Variants in ZFAT observed in about 807,000 individuals in gnomAD.
ZFAT encodes the protein zinc finger protein ZFAT.
A neutral mutation model predicts 117.7 loss-of-function variants in ZFAT; 64 were observed. The observed-to-expected ratio is 0.54, with a 90% CI of 0.44 to 0.67. The LOEUF (loss-of-function observed/expected upper bound fraction) is 0.67, where lower values mean the gene tolerates loss of function less well. ZFAT is among the 30% of genes least tolerant of loss of function. ZFAT has a pLI of 0.00. For synonymous variants in ZFAT, 679 were observed against 615.0 expected, an observed-to-expected ratio of 1.10 and a Z score of -1.54; for missense variants, 1,433 against 1,584.5, an observed-to-expected ratio of 0.90 and a Z score of 1.62.
intron 10 of ZFAT, among the ~76,000 whole-genome samples, chr8:134,576,113 T>C (rs1008463831): frequency 2.0e-5 from 3 of 152,218 alleles, no homozygotes; most frequent in Non-Finnish European, 4.4e-5. Flanking sequence ...ACAGACACTG[T>C]GCCAGACATT....
chr8:134,827,929 A>T, the ZFAT span, among the ~76,000 whole-genome samples: 14 of 152,348 alleles, frequency 9.2e-5, no homozygotes, highest in Admixed American at 3.3e-4. Flanking sequence ...AATTGAGAAC[A>T]TAAATCAGTC....
rs988824344 is a variant in ZFAT at position 134,509,809 on chromosome 8, T to A, written c.3362-60A>T. The A allele has an allele frequency of 6.5e-6, 10 of 1,530,812 alleles. No homozygotes were observed. The African/African-American group carries it at 1.3e-4, about 19-fold the overall frequency. 94.8% of individuals were successfully genotyped at this position (1,530,812 alleles called of 1,614,324 possible). On this transcript the variant is annotated intron_variant, in intron 14 of 15. Coordinates refer to ENST00000377838, the MANE Select transcript of ZFAT (RefSeq NM_020863.4). ...GCCACTGGTGCTGAAGGACATGGAA[T>A]GCAAAACCAGCCTGTCTGTTCTCTC...
At chr8:134,690,027 C>T (rs372822538) in intron 1 of ZFAT, among the ~76,000 whole-genome samples, 10 of 152,184 alleles carry the variant, frequency 6.6e-5, no homozygotes, top group African/African-American at 2.4e-4. Flanking sequence ...TTTCAAAGAT[C>T]AATGAGAAAT....
At chr8:134,696,191 C>T (rs1327062242) in intron 1 of ZFAT, among the ~76,000 whole-genome samples, 1 of 152,116 alleles carries the variant, frequency 6.6e-6, no homozygotes, top group African/African-American at 2.4e-5. Flanking sequence ...CCATCTCTAA[C>T]CAAGGAGGTG....
Position 134,496,032 on chromosome 8 carries a change from G to A in ZFAT, c.3492+13587C>T, listed in dbSNP as rs1035353485. On this transcript the variant is annotated intron_variant, in intron 15 of 15. Coordinates refer to ENST00000377838, the MANE Select transcript of ZFAT (RefSeq NM_020863.4). ...CAGCACTCACCTGCTAAATGGAAGC[G>A]ACCAGAAGCAGAAACAGCTGTGGCT... Among the ~76,000 whole-genome samples, 4 of 152,168 alleles carry A rather than the reference G, an allele frequency of 2.6e-5. 1 individual carries two copies. The highest frequency in any genetic ancestry group is 6.5e-5 in the Admixed American group (1 of 15,278).
In ZFAT at chr8:134,479,934, C is replaced by A. The variant is rs182547272; in HGVS notation, c.3493-1213G>T. 6.2e-3 allele frequency among the ~76,000 whole-genome samples: 940 copies of A among 151,598 alleles called. 12 individuals carry two copies. Among genetic ancestry groups the A allele is most frequent in the African/African-American group, 0.022 (892 of 41,278 alleles). On this transcript the variant is annotated intron_variant, in intron 15 of 15. Transcript: ENST00000377838. ...CAATAACAGTACTGACCTTTTAATC[C>A]CTTCATTCAACCACACTTTTTTTTT...
At chr8:134,479,104 G>A (rs990182561) in intron 15 of ZFAT, among the ~76,000 whole-genome samples, 2 of 152,172 alleles carry the variant, frequency 1.3e-5, no homozygotes, top group Admixed American at 6.5e-5. Context: ...GGGGTTGGCG[G>A]TGCTCCTGGA....
the ZFAT span, among the ~76,000 whole-genome samples, chr8:134,733,592 T>G: frequency 6.6e-6 from 1 of 152,264 alleles, no homozygotes; most frequent in Non-Finnish European, 1.5e-5. Context: ...ATGCAACTTC[T>G]AATGCCTTCC....
At chr8:134,494,005 C>T (rs567522030) in intron 15 of ZFAT, among the ~76,000 whole-genome samples, 90 of 152,352 alleles carry the variant, frequency 5.9e-4, no homozygotes, top group Non-Finnish European at 1.1e-3. Context: ...TATTTAGACA[C>T]ATTTATTGTG....
intron 12 of ZFAT, among the ~76,000 whole-genome samples, chr8:134,521,914 T>G (rs1283662939): frequency 3.9e-5 from 6 of 152,158 alleles, no homozygotes; most frequent in Non-Finnish European, 8.8e-5. Context: ...TCTGGAACTG[T>G]GAGCTACCCG....
Position 134,602,903 on chromosome 8 carries a change from A to G in ZFAT, c.816T>C (p.Thr272=), listed in dbSNP as rs577530195. 3.3e-5 allele frequency: 53 copies of G among 1,612,972 alleles called. No individual in the cohort carries two copies. The South Asian group carries it at 5.6e-4, about 17-fold the overall frequency. Residue 272 remains threonine (T), a synonymous_variant, in exon 6 of 16, where the codon ACT becomes ACC. Transcript: ENST00000377838. The part of the protein sequence containing the change: ...RLGPTQLKIF[T]CEYCNKVFKF... ...TGAAGACCTTGTTGCAGTATTCACA[A>G]GTGAAGATTTTGAGCTGAGTGGGAC...
At chr8:134,682,159 T>G (rs2002036) in intron 1 of ZFAT, among the ~76,000 whole-genome samples, 52,838 of 152,150 alleles carry the variant, frequency 0.35, 9,532 homozygotes, top group South Asian at 0.43. Flanking sequence ...CAGAGGCTCA[T>G]ACGAGGCTTA....
chr8:134,741,719 C>T, the ZFAT span, among the ~76,000 whole-genome samples: 1,499 of 152,280 alleles, frequency 9.8e-3, 27 homozygotes, highest in African/African-American at 0.034. Context: ...CAGACTCATA[C>T]ACTCTGCCTA....
chr8:134,768,927 C>G, the ZFAT span, among the ~76,000 whole-genome samples: 4 of 152,164 alleles, frequency 2.6e-5, no homozygotes, highest in Non-Finnish European at 4.4e-5. Flanking sequence ...AATCCCAGCA[C>G]TTTGGGAGGC....
the ZFAT span, among the ~76,000 whole-genome samples, chr8:134,752,778 T>G: frequency 6.6e-6 from 1 of 152,002 alleles, no homozygotes; most frequent in Non-Finnish European, 1.5e-5. Context: ...AGGGCATGCA[T>G]GTGAGCCAGC....
chr8:134,802,984 T>C, the ZFAT span, among the ~76,000 whole-genome samples: 3 of 152,232 alleles, frequency 2.0e-5, no homozygotes, highest in South Asian at 2.1e-4. Context: ...CTATGTATTA[T>C]ACTATACTGA....
At chr8:134,679,515 G>A (rs552747860) in intron 1 of ZFAT, among the ~76,000 whole-genome samples, 10 of 152,286 alleles carry the variant, frequency 6.6e-5, no homozygotes, top group African/African-American at 1.9e-4. Context: ...CAACCATTGC[G>A]GAAGACGGTG....
At chr8:134,559,886 T>C (rs1447642586) in intron 11 of ZFAT, among the ~76,000 whole-genome samples, 3 of 152,208 alleles carry the variant, frequency 2.0e-5, no homozygotes, top group Non-Finnish European at 4.4e-5. Flanking sequence ...GCAGTTTATT[T>C]TTAATATGAG....
chr8:134,559,537 T>C (rs1462049423), intron 11 of ZFAT, among the ~76,000 whole-genome samples: 1 of 152,244 alleles, frequency 6.6e-6, no homozygotes, highest in African/African-American at 2.4e-5. Flanking sequence ...AGTATATCTG[T>C]AGGATAAAAT....
Sources: gnomAD v4.1 joint callset for allele counts (sites outside exome capture counted in the v4.1 genomes callset) on GRCh38, gnomAD v4.1.1 for gene constraint, MANE v1.5 for transcripts, NCBI Gene and HGNC (gene_info 2026-07-23, HGNC 2026-07-21) for gene names.